Variants in KCNIP4 observed in about 807,000 individuals in gnomAD.
The protein encoded by KCNIP4 is Kv channel-interacting protein 4.
Under a neutral mutation model 34.0 loss-of-function variants are expected in KCNIP4, and 12 were observed. The ratio of observed to expected loss-of-function variants is 0.35; its 90% CI spans 0.23 to 0.57. KCNIP4 has a LOEUF of 0.57. Ranked by LOEUF, KCNIP4 falls within the 20% of genes least tolerant of loss-of-function variation. The pLI is 0.83. For synonymous variants in KCNIP4, 124 were observed against 102.2 expected (o/e 1.21, Z -1.29); for missense variants, 238 against 311.7 (o/e 0.76, Z 1.78).
chr4:21,509,981 G>A (rs963370405), intron 1 of KCNIP4, among the ~76,000 whole-genome samples: 1 of 151,036 alleles, frequency 6.6e-6, no homozygotes, highest in Admixed American at 6.6e-5. Flanking sequence ...AGCTGGGTGT[G>A]GTGGCGCCTG....
chr4:20,883,632 C>A (rs777877930), intron 1 of KCNIP4, among the ~76,000 whole-genome samples: 1 of 152,062 alleles, frequency 6.6e-6, no homozygotes, highest in Non-Finnish European at 1.5e-5. Flanking sequence ...GCGCAGAAAA[C>A]AATTTAAATC....
intron 1 of KCNIP4, among the ~76,000 whole-genome samples, chr4:21,923,366 G>A (rs1297449313): frequency 6.6e-6 from 1 of 152,156 alleles, no homozygotes; most frequent in Non-Finnish European, 1.5e-5. Flanking sequence ...TGGATCATCT[G>A]AGGTCAGGAG....
intron 1 of KCNIP4, among the ~76,000 whole-genome samples, chr4:21,046,606 T>TATTTATTTATTTATTTATTTA: frequency 6.6e-6 from 1 of 152,200 alleles, no homozygotes; most frequent in Middle Eastern, 3.4e-3. Flanking sequence ...TTTATTTATT[T>TATTTATTTATTTATTTATTTA]TTGAGATGGA....
intron 1 of KCNIP4, among the ~76,000 whole-genome samples, chr4:21,113,659 T>C (rs561613649): frequency 6.6e-6 from 1 of 152,236 alleles, no homozygotes; most frequent in African/African-American, 2.4e-5. Context: ...TGTGCAAGCA[T>C]TAGCAACTAT....
chr4:21,070,189 A>AG (rs1744764069), intron 1 of KCNIP4, among the ~76,000 whole-genome samples: 2 of 152,094 alleles, frequency 1.3e-5, no homozygotes, highest in Non-Finnish European at 2.9e-5. Flanking sequence ...TTTATTGTTG[A>AG]GTAGAATTCC....
chr4:21,438,401 T>C (rs1416198717), intron 1 of KCNIP4, among the ~76,000 whole-genome samples: 2 of 152,220 alleles, frequency 1.3e-5, no homozygotes, highest in Non-Finnish European at 2.9e-5. Flanking sequence ...ACAGTGAATT[T>C]TGTCATTTTA....
In KCNIP4 at chr4:20,994,052, T is replaced by C. The variant is rs186720102; in HGVS notation, c.62-111343A>G. Among the ~76,000 whole-genome samples the C allele has an allele frequency of 1.7e-3, 257 of 152,352 alleles. 1 individual carries two copies. The highest frequency in any genetic ancestry group is 5.8e-3 in the African/African-American group (243 of 41,586). ...TCTTTCTTTTATCCTTGTGATTACATTGGGCCCACCTAAATAATCCACCAT... is the reference window on the plus strand; with the variant it reads ...TCTTTCTTTTATCCTTGTGATTACACTGGGCCCACCTAAATAATCCACCAT... On this transcript the variant is annotated intron_variant, in intron 1 of 8. Coordinates refer to ENST00000382152, the MANE Select transcript of KCNIP4 (RefSeq NM_025221.6).
intron 1 of KCNIP4, chr4:21,697,671 C>CTGA (rs1712490268): frequency 7.8e-7 from 1 of 1,277,554 alleles, no homozygotes; most frequent in South Asian, 2.7e-5. Context: ...CACGGCTTCT[C>CTGA]AGTGTGGTGA....
intron 1 of KCNIP4, among the ~76,000 whole-genome samples, chr4:20,907,480 A>G (rs1307219170): frequency 6.6e-6 from 1 of 152,226 alleles, no homozygotes; most frequent in Non-Finnish European, 1.5e-5. Flanking sequence ...GAAATAATAA[A>G]TATCAAAACA....
chr4:21,209,844 C>T (rs770927703), intron 1 of KCNIP4, among the ~76,000 whole-genome samples: 33 of 152,098 alleles, frequency 2.2e-4, no homozygotes, highest in Non-Finnish European at 2.9e-4. Context: ...AATGAGATTT[C>T]GTCATTAGTA....
At chr4:21,059,160 T>C (rs1202260932) in intron 1 of KCNIP4, among the ~76,000 whole-genome samples, 1 of 152,144 alleles carries the variant, frequency 6.6e-6, no homozygotes, top group Admixed American at 6.6e-5. Context: ...GTTTTGGGTA[T>C]GTTATTATTA....
chr4:21,652,324 G>A (rs955254617), intron 1 of KCNIP4, among the ~76,000 whole-genome samples: 2 of 152,108 alleles, frequency 1.3e-5, no homozygotes, highest in African/African-American at 4.8e-5. Flanking sequence ...GCAACAGAGT[G>A]TCAGGCTCTT....
At chr4:20,807,710 GA>G (rs539451918) in intron 3 of KCNIP4, among the ~76,000 whole-genome samples, 37 of 152,208 alleles carry the variant, frequency 2.4e-4, no homozygotes, top group African/African-American at 8.9e-4. Context: ...AAGCAGGGAA[GA>G]AAACACATTT....
intron 1 of KCNIP4, among the ~76,000 whole-genome samples, chr4:21,565,762 C>G (rs1739832766): frequency 6.6e-6 from 1 of 152,018 alleles, no homozygotes; most frequent in Non-Finnish European, 1.5e-5. Context: ...ATTTAAAGCT[C>G]TTATTTTTGA....
intron 2 of KCNIP4, among the ~76,000 whole-genome samples, chr4:20,853,742 C>G (rs1471845774): frequency 6.6e-6 from 1 of 152,136 alleles, no homozygotes; most frequent in African/African-American, 2.4e-5. Flanking sequence ...TCTTCATAAT[C>G]TATACATCTG....
At chr4:21,358,473 C>CA (rs1310361698) in intron 1 of KCNIP4, among the ~76,000 whole-genome samples, 1 of 152,046 alleles carries the variant, frequency 6.6e-6, no homozygotes, top group African/African-American at 2.4e-5. Context: ...CTACTTGACT[C>CA]AGAGAGTTAT....
intron 1 of KCNIP4, among the ~76,000 whole-genome samples, chr4:21,690,642 G>A (rs539928307): frequency 1.2e-4 from 18 of 152,242 alleles, no homozygotes; most frequent in Admixed American, 3.3e-4. Flanking sequence ...CTGCAGAACC[G>A]TATGTCAAGT....
chr4:21,939,083 C>T (rs1730049944), intron 1 of KCNIP4, among the ~76,000 whole-genome samples: 1 of 152,148 alleles, frequency 6.6e-6, no homozygotes, highest in African/African-American at 2.4e-5. Flanking sequence ...ATCTCATGCT[C>T]AGGGATCCAA....
chr4:21,179,704 T>C (rs1754701506), intron 1 of KCNIP4, among the ~76,000 whole-genome samples: 1 of 152,192 alleles, frequency 6.6e-6, no homozygotes, highest in Non-Finnish European at 1.5e-5. Flanking sequence ...AGGCTAACTT[T>C]AATTTTCTTT....
Sources: gnomAD v4.1 joint callset for allele counts (sites outside exome capture counted in the v4.1 genomes callset) on GRCh38, gnomAD v4.1.1 for gene constraint, MANE v1.5 for transcripts, NCBI Gene and HGNC (gene_info 2026-07-23, HGNC 2026-07-21) for gene names.